LRRC71: variants seen among roughly 807,000 people sequenced by gnomAD.
The protein encoded by LRRC71 is leucine rich repeat containing 71.
In LRRC71, 54 loss-of-function variants were observed where a neutral mutation model predicts 66.6. The observed-to-expected ratio is 0.81, with a 90% CI of 0.65 to 1.02. The LOEUF (loss-of-function observed/expected upper bound fraction) is 1.02. Among genes scored for constraint, LRRC71 ranks in the 50% least tolerant of loss-of-function variants. LRRC71 has a pLI of 0.00. For missense variants in LRRC71, 724 were observed against 718.0 expected (o/e 1.01, Z -0.10); for synonymous variants, 323 against 303.9 (o/e 1.06, Z -0.65).
intron 5 of LRRC71, among the ~76,000 whole-genome samples, chr1:156,925,305 C>A (rs74116927): frequency 8.6e-4 from 131 of 152,354 alleles, no homozygotes; most frequent in African/African-American, 3.1e-3. Flanking sequence ...GAGGTTCTCG[C>A]TCTCCTTCCT....
At chr1:156,927,079 G>A in intron 5 of LRRC71, 123 bp from the exon 6 acceptor site, 2 of 772,792 alleles carry the variant, frequency 2.6e-6, no homozygotes. Flanking sequence ...TTCCTATATT[G>A]GGGGGGCAAT....
chr1:156,930,464 G>A (rs1009719380), intron 11 of LRRC71, 65 bp from the exon 12 acceptor site: 65 of 1,420,480 alleles, frequency 4.6e-5, no homozygotes, highest in Non-Finnish European at 6.1e-5. Context: ...TGTTTTCTCT[G>A]GGGAGGGAGC....
intron 2 of LRRC71, 91 bp downstream of exon 2, chr1:156,924,189 G>A (rs1652828029): frequency 4.2e-6 from 6 of 1,421,272 alleles, no homozygotes; most frequent in Non-Finnish European, 5.7e-6. Flanking sequence ...GGAGGGACGC[G>A]GGGCGGTGTG....
the LRRC71 span, chr1:156,938,773 A>T: frequency 2.2e-6 from 1 of 445,220 alleles, no homozygotes; most frequent in Non-Finnish European, 4.0e-6. Context: ...ATGGAATGAA[A>T]AATGCTGCTG....
At chr1:156,937,624 G>T, downstream of LRRC71, 1 of 1,010,520 alleles carries the variant, frequency 9.9e-7, no homozygotes. Flanking sequence ...CAAACTCAGA[G>T]AACGTGGGCC....
downstream of LRRC71, among the ~76,000 whole-genome samples, chr1:156,937,994 G>A (rs892985058): frequency 6.6e-6 from 1 of 152,206 alleles, no homozygotes; most frequent in African/African-American, 2.4e-5. Context: ...GACGTGGAGG[G>A]TTCCTGACAG....
chr1:156,921,270 T>C (rs1652321059), intron 1 of LRRC71, among the ~76,000 whole-genome samples: 1 of 152,214 alleles, frequency 6.6e-6, no homozygotes, highest in South Asian at 2.1e-4. Flanking sequence ...ATTCATTGAT[T>C]CAACAATTAC....
chr1:156,938,406 G>C, the LRRC71 span: 4 of 1,611,248 alleles, frequency 2.5e-6, 1 homozygote, highest in South Asian at 1.1e-5. Flanking sequence ...GCTCCAAGGA[G>C]AAAGTTATTA....
At chr1:156,924,577 C>T (rs1419663381) in intron 3 of LRRC71, 25 bp downstream of exon 3, 1 of 1,551,168 alleles carries the variant, frequency 6.4e-7, no homozygotes, top group Admixed American at 2.0e-5. Flanking sequence ...CCCCACCCGC[C>T]CCAGCTCCCT....
chr1:156,925,669 A>G (rs751908216), intron 5 of LRRC71, among the ~76,000 whole-genome samples: 3 of 152,188 alleles, frequency 2.0e-5, no homozygotes, highest in Non-Finnish European at 4.4e-5. Context: ...TTGGGAGTGT[A>G]AGGGGCAAGG....
In LRRC71 at chr1:156,932,042, C is replaced by A; in HGVS notation, c.1441+15C>A. The A allele has an allele frequency of 6.4e-7, 1 of 1,559,268 alleles. No homozygotes were observed. The highest frequency in any genetic ancestry group is 8.7e-7 in the Non-Finnish European group (1 of 1,147,040). ...CAACCTCATCCGTATGTCTGCCAAC[C>A]TCCCCTGTCCTCCTGTCATGAGGCT... On this transcript the variant is annotated intron_variant, in intron 13 of 14. Transcript: ENST00000337428.
At position 156,920,868 on chromosome 1, in the gene LRRC71, C is replaced by T. The variant is rs1303865771; in HGVS notation, c.65C>T (p.Ser22Phe). The stretch of plus-strand genomic sequence containing the variant: ...GCCCCGCGTCCGGGGACCCAGAAGT[C>T]TTCTGGCGCGGTGACCAAAAAGGGA... Reference protein sequence around the residue: ...PRAPRPGTQKSSGAVTKKGER... With the variant: ...PRAPRPGTQKFSGAVTKKGER... Residue 22 changes from serine (S) to phenylalanine (F), a missense_variant, in exon 1 of 15, where the codon TCT becomes TTT. Coordinates refer to ENST00000337428, the MANE Select transcript of LRRC71 (RefSeq NM_144702.3). This position sits in a 1 kb window ranked among gnomAD's most constrained non-coding sequence, Gnocchi z 4.9. 2 of 1,542,946 alleles carry T rather than the reference C, an allele frequency of 1.3e-6. No individual in the cohort carries two copies. The highest frequency in any genetic ancestry group is 2.1e-4 in the Middle Eastern group (1 of 4,692).
downstream of LRRC71, among the ~76,000 whole-genome samples, chr1:156,933,597 A>G (rs973148472): frequency 2.0e-5 from 3 of 152,242 alleles, no homozygotes; most frequent in Non-Finnish European, 2.9e-5. Context: ...GCAAAGGCTA[A>G]GCATTGAACA....
rs77078877 is a variant in LRRC71 at position 156,927,799 on chromosome 1, G to T, written c.889G>T (p.Ala297Ser). ...CCACAACCGCATCCAGGACAAGGGCGCCCTGAAGCTGGCTGAGGTGGGTGT... is the reference window on the plus strand; with the variant it reads ...CCACAACCGCATCCAGGACAAGGGCTCCCTGAAGCTGGCTGAGGTGGGTGT... Reference protein sequence around the residue: ...LAHNRIQDKGALKLAEVLRAF... With the variant: ...LAHNRIQDKGSLKLAEVLRAF... The change falls in exon 8 of 15, where the codon GCC becomes TCC. Residue 297 changes from alanine (A) to serine (S), a missense_variant. By Grantham distance (99) the Ala-to-Ser change is moderately conservative. Coordinates refer to ENST00000337428, the MANE Select transcript of LRRC71 (RefSeq NM_144702.3). 7,301 of 1,613,248 alleles carry T rather than the reference G, an allele frequency of 4.5e-3. 26 individuals are homozygous for T. The highest frequency in any genetic ancestry group is 5.0e-3 in the Non-Finnish European group (5,907 of 1,179,732).
chr1:156,933,269 A>G (rs1431741352), downstream of LRRC71, among the ~76,000 whole-genome samples: 1 of 152,222 alleles, frequency 6.6e-6, no homozygotes, highest in Non-Finnish European at 1.5e-5. Flanking sequence ...CCTGGGGGCT[A>G]GTTCTTCCTT....
chr1:156,939,593 C>G, the LRRC71 span: 1 of 1,613,224 alleles, frequency 6.2e-7, no homozygotes, highest in Non-Finnish European at 8.5e-7. Flanking sequence ...GTGCTTGAAG[C>G]ATCTTCAGCC....
chr1:156,933,187 G>C (rs140369349), downstream of LRRC71: 3,851 of 514,024 alleles, frequency 7.5e-3, 21 homozygotes, highest in Non-Finnish European at 0.011. Context: ...AAAGTGGTCT[G>C]AATTACAGTT....
At chr1:156,935,902 C>T (rs1291257781), downstream of LRRC71, 2 of 1,348,188 alleles carry the variant, frequency 1.5e-6, no homozygotes, top group African/African-American at 1.5e-5. Flanking sequence ...GCCTCCTCCA[C>T]AGGGAGGAGT....
downstream of LRRC71, chr1:156,935,861 G>A (rs1001943261): frequency 2.8e-5 from 27 of 968,798 alleles, no homozygotes; most frequent in East Asian, 1.9e-4. Flanking sequence ...GTCTCCCCCC[G>A]GGCCTTGGCT....
Sources: gnomAD v4.1 joint callset for allele counts (sites outside exome capture counted in the v4.1 genomes callset) on GRCh38, gnomAD v4.1.1 for gene constraint, Gnocchi (gnomAD v3.1) non-coding constraint, MANE v1.5 for transcripts, NCBI Gene and HGNC (gene_info 2026-07-23, HGNC 2026-07-21) for gene names.